The following ARHGAP31 variants were observed in gnomAD, a reference collection of about 807,000 sequenced individuals.
ARHGAP31 encodes rho GTPase-activating protein 31.
Under a neutral mutation model 113.9 loss-of-function variants are expected in ARHGAP31, and 34 were observed. The observed-to-expected ratio is 0.30, with a 90% CI of 0.23 to 0.40. The LOEUF (loss-of-function observed/expected upper bound fraction) is 0.40. Ranked by LOEUF, ARHGAP31 falls within the 10% of genes least tolerant of loss-of-function variation. The pLI is 1.00. For missense variants in ARHGAP31, 1,548 were observed against 1,767.1 expected, an observed-to-expected ratio of 0.88 and a Z score of 2.22; for synonymous variants, 650 against 684.8, an observed-to-expected ratio of 0.95 and a Z score of 0.79.
At chr3:119,298,303 T>C (rs1559958583) in intron 1 of ARHGAP31, among the ~76,000 whole-genome samples, 1 of 152,162 alleles carries the variant, frequency 6.6e-6, no homozygotes, top group Non-Finnish European at 1.5e-5. Flanking sequence ...GAAAATAGTA[T>C]AGTTTTCTTT....
intron 9 of ARHGAP31, among the ~76,000 whole-genome samples, chr3:119,400,805 G>A (rs2080597523): frequency 6.6e-6 from 1 of 152,094 alleles, no homozygotes; most frequent in African/African-American, 2.4e-5. Flanking sequence ...TAGATTCCTG[G>A]CAACTCGCGT....
chr3:119,402,910 A>G (rs2080625579), intron 10 of ARHGAP31, among the ~76,000 whole-genome samples: 2 of 152,214 alleles, frequency 1.3e-5, no homozygotes, highest in Admixed American at 1.3e-4. Flanking sequence ...AACGAGAAAG[A>G]GCATCCCTCT....
At chr3:119,344,278 G>A (rs2080035486) in intron 1 of ARHGAP31, among the ~76,000 whole-genome samples, 2 of 152,266 alleles carry the variant, frequency 1.3e-5, no homozygotes, top group South Asian at 4.2e-4. Flanking sequence ...ATCAGAAAGG[G>A]AAGGAGGAGA....
chr3:119,337,141 T>C (rs183209639), intron 1 of ARHGAP31, among the ~76,000 whole-genome samples: 7 of 152,338 alleles, frequency 4.6e-5, no homozygotes. Context: ...TCTTGCTCAC[T>C]TCAAGAATGA....
chr3:119,307,009 C>G (rs2079636466), intron 1 of ARHGAP31, among the ~76,000 whole-genome samples: 1 of 148,732 alleles, frequency 6.7e-6, no homozygotes, highest in Non-Finnish European at 1.5e-5. Flanking sequence ...TTGTTTCAAT[C>G]TTTATTTTTA....
chr3:119,418,299 T>C lies in ARHGAP31; in HGVS notation c.*2035T>C, dbSNP rs551149811. 2.0e-5 allele frequency: 3 copies of C among 152,180 alleles called. No individual in the cohort carries two copies. In the South Asian group the frequency reaches 6.2e-4, roughly 32 times the overall value. 9.4% of individuals were successfully genotyped at this position (152,180 alleles called of 1,614,324 possible). On this transcript the variant is annotated 3_prime_UTR_variant, in exon 12 of 12. Transcript: ENST00000264245. ...AAGAAAAAAGTCCTAGAATATAGTA[T>C]TTTTCCCCAGGCCAGCAAAGTGAAG...
intron 1 of ARHGAP31, among the ~76,000 whole-genome samples, chr3:119,323,390 CG>C (rs757193026): frequency 1.4e-4 from 21 of 152,240 alleles, no homozygotes; most frequent in Non-Finnish European, 2.6e-4. Context: ...GGCCACACCC[CG>C]CCGGCCCAGA....
intron 9 of ARHGAP31, among the ~76,000 whole-genome samples, chr3:119,401,178 A>AG (rs2080603036): frequency 1.3e-5 from 2 of 151,812 alleles, no homozygotes; most frequent in South Asian, 4.2e-4. Flanking sequence ...CTCAAAAAAA[A>AG]AAAAAAAAAT....
chr3:119,349,669 G>A (rs1577006762), intron 1 of ARHGAP31, among the ~76,000 whole-genome samples: 1 of 152,220 alleles, frequency 6.6e-6, no homozygotes, highest in African/African-American at 2.4e-5. Context: ...CTGGAGTCCT[G>A]ATAACAATGG....
Position 119,401,955 on chromosome 3 carries a change from G to A in ARHGAP31, c.1203G>A (p.Glu401=), listed in dbSNP as rs1285648883. 1.2e-6 allele frequency: 2 copies of A among 1,614,144 alleles called. No homozygotes were observed. The highest frequency in any genetic ancestry group is 1.7e-6 in the Non-Finnish European group (2 of 1,180,026). The part of the protein sequence containing the change: ...LTKQEGEWGQ[E]GMPPGAEGGF... ...AGCAGGAGGGCGAATGGGGCCAGGA[G>A]GGGATGCCTCCCGGGGCTGAGGGTG... The change falls in exon 10 of 12, where the codon GAG becomes GAA. Residue 401 remains glutamate (E), a synonymous_variant. Transcript: ENST00000264245.
intron 9 of ARHGAP31, among the ~76,000 whole-genome samples, chr3:119,401,366 TAAAAC>T (rs961306027): frequency 6.6e-5 from 10 of 152,162 alleles, no homozygotes; most frequent in Non-Finnish European, 1.2e-4. Context: ...AGAGAAAACT[TAAAAC>T]AAAAAGTTTT....
In ARHGAP31 at chr3:119,414,311, A is replaced by G; in HGVS notation, c.2382A>G (p.Ser794=). The part of the protein sequence containing the change: ...APPPPTPLEE[S]TPVLLSKGGP... ...CCCCTCCAACTCCTCTGGAGGAGTC[A>G]ACTCCAGTCCTGCTTTCAAAGGGCG... The change falls in exon 12 of 12, where the codon TCA becomes TCG. Residue 794 remains serine (S), a synonymous_variant. Coordinates refer to ENST00000264245, the MANE Select transcript of ARHGAP31 (RefSeq NM_020754.4). 1 of 1,614,190 alleles carries G rather than the reference A, an allele frequency of 6.2e-7. No homozygotes were observed. The highest frequency in any genetic ancestry group is 8.5e-7 in the Non-Finnish European group (1 of 1,180,034).
intron 8 of ARHGAP31, among the ~76,000 whole-genome samples, chr3:119,396,999 A>G (rs1410649461): frequency 2.0e-5 from 3 of 152,216 alleles, no homozygotes. Flanking sequence ...TCAAAGCCAT[A>G]CAGCTATAGC....
chr3:119,356,206 C>T (rs1252240977), intron 1 of ARHGAP31, among the ~76,000 whole-genome samples: 1 of 152,188 alleles, frequency 6.6e-6, no homozygotes, highest in Non-Finnish European at 1.5e-5. Flanking sequence ...AAAGGGCTAG[C>T]CCCAGCTTCC....
At chr3:119,333,990 G>T (rs2079918676) in intron 1 of ARHGAP31, among the ~76,000 whole-genome samples, 1 of 152,164 alleles carries the variant, frequency 6.6e-6, no homozygotes, top group Admixed American at 6.5e-5. Flanking sequence ...TATCAACCCT[G>T]GCACATGTGC....
intron 1 of ARHGAP31, among the ~76,000 whole-genome samples, chr3:119,321,546 GTA>G (rs533650460): frequency 1.3e-5 from 2 of 149,790 alleles, no homozygotes; most frequent in Admixed American, 6.7e-5. Context: ...CTGTGTGTGT[GTA>G]TATATATATT....
chr3:119,315,139 A>G (rs892847234), intron 1 of ARHGAP31, among the ~76,000 whole-genome samples: 1 of 152,206 alleles, frequency 6.6e-6, no homozygotes, highest in African/African-American at 2.4e-5. Context: ...CTTTCTCTGG[A>G]TGGATGCTTT....
At chr3:119,341,278 G>A (rs2080005750) in intron 1 of ARHGAP31, among the ~76,000 whole-genome samples, 1 of 152,142 alleles carries the variant, frequency 6.6e-6, no homozygotes, top group Non-Finnish European at 1.5e-5. Context: ...AGGAAGCCTG[G>A]AAAAGCTTCA....
intron 6 of ARHGAP31, among the ~76,000 whole-genome samples, chr3:119,389,727 A>C (rs993357652): frequency 2.0e-5 from 3 of 152,230 alleles, no homozygotes; most frequent in African/African-American, 4.8e-5. Context: ...AAATACAGTG[A>C]GTCCTCCACC....
Sources: allele counts gnomAD v4.1 joint callset (sites outside exome capture counted in the v4.1 genomes callset), GRCh38; gene constraint gnomAD v4.1.1; transcripts MANE v1.5; gene names NCBI Gene and HGNC (gene_info 2026-07-23, HGNC 2026-07-21).